Variants in ANGPT4 observed in about 807,000 individuals in gnomAD.
The protein encoded by ANGPT4 is angiopoietin 4.
Under a neutral mutation model 53.0 loss-of-function variants are expected in ANGPT4, and 50 were observed. The ratio of observed to expected loss-of-function variants is 0.94; its 90% CI spans 0.75 to 1.20. The LOEUF is 1.20. Among genes scored for constraint, ANGPT4 ranks in the 50% most tolerant of loss-of-function variants. ANGPT4 has a pLI of 0.00. For synonymous variants in ANGPT4, 251 were observed against 259.7 expected (o/e 0.97, Z 0.32); for missense variants, 648 against 637.1 (o/e 1.02, Z -0.18).
intron 4 of ANGPT4, among the ~76,000 whole-genome samples, chr20:884,237 T>C (rs1204698255): frequency 6.6e-6 from 1 of 152,200 alleles, no homozygotes; most frequent in Admixed American, 6.5e-5. Context: ...TTTGGACCTG[T>C]CTATTTTTAT....
At chr20:878,131 C>A (rs759177156) in intron 7 of ANGPT4, 30 bp downstream of exon 7, 9 of 1,568,164 alleles carry the variant, frequency 5.7e-6, no homozygotes, top group Admixed American at 1.7e-5. Flanking sequence ...AAGACCCCAG[C>A]CCCCACAACG....
chr20:885,373 C>T (rs1401413132), intron 3 of ANGPT4, 48 bp from the exon 4 acceptor site: 3 of 1,476,256 alleles, frequency 2.0e-6, no homozygotes, highest in East Asian at 2.4e-5. Flanking sequence ...CCTCGCGAAG[C>T]ACGCACCCCC....
At chr20:888,916 T>C (rs116915061) in intron 2 of ANGPT4, among the ~76,000 whole-genome samples, 5,015 of 152,322 alleles carry the variant, frequency 0.033, 103 homozygotes, top group Middle Eastern at 0.075. Context: ...ATGCCCCAGT[T>C]CTCACCATGG....
chr20:874,207 G>T (rs1981065700), intron 8 of ANGPT4, 77 bp downstream of exon 8: 1 of 1,583,352 alleles, frequency 6.3e-7, no homozygotes, highest in Non-Finnish European at 8.6e-7. Flanking sequence ...GGGCGCACAA[G>T]AACCTGGGGA....
intron 1 of ANGPT4, among the ~76,000 whole-genome samples, chr20:913,183 C>CT (rs573315279): frequency 1.8e-4 from 28 of 152,114 alleles, no homozygotes; most frequent in African/African-American, 5.5e-4. Context: ...TTTTAAAACT[C>CT]TTTTTTTAAC....
At chr20:886,537 G>A (rs1156730977) in intron 3 of ANGPT4, among the ~76,000 whole-genome samples, 1 of 152,150 alleles carries the variant, frequency 6.6e-6, no homozygotes, top group East Asian at 1.9e-4. Context: ...TCCTAATAAA[G>A]CCATCGTAAG....
intron 2 of ANGPT4, 132 bp downstream of exon 2, chr20:890,081 A>AC (rs1311576273): frequency 1.8e-6 from 2 of 1,101,240 alleles, no homozygotes; most frequent in Admixed American, 5.1e-5. Flanking sequence ...GGGAGGAGGG[A>AC]CCCGGGGGGC....
chr20:911,896 C>G lies in ANGPT4; in HGVS notation c.309+4010G>C, dbSNP rs567970716. Among the ~76,000 whole-genome samples, 90 of 151,826 alleles carry G rather than the reference C, an allele frequency of 5.9e-4. No individual in the cohort carries two copies. Among genetic ancestry groups the G allele is most frequent in the African/African-American group, 2.0e-3 (81 of 41,418 alleles). ...AGAGGGAGAAAGAGACAGAGACAGA[C>G]AGAGATAGACAGGGAGATAGGCAGA... On this transcript the variant is annotated intron_variant, in intron 1 of 8. Transcript: ENST00000381922. This position sits in a 1 kb window ranked among gnomAD's most constrained non-coding sequence, Gnocchi z 4.9.
intron 5 of ANGPT4, among the ~76,000 whole-genome samples, chr20:880,387 C>A (rs1981355315): frequency 6.6e-6 from 1 of 152,090 alleles, no homozygotes; most frequent in Admixed American, 6.5e-5. Flanking sequence ...GAGTTTCAGA[C>A]CAGCCTGGGA....
intron 1 of ANGPT4, among the ~76,000 whole-genome samples, chr20:913,085 T>G (rs1472772802): frequency 6.6e-6 from 1 of 152,180 alleles, no homozygotes; most frequent in Non-Finnish European, 1.5e-5. Flanking sequence ...TCTGTCTAGA[T>G]GAACAGAATC....
At chr20:885,456 A>T (rs1380171168) in intron 3 of ANGPT4, 131 bp from the exon 4 acceptor site, 1 of 1,309,320 alleles carries the variant, frequency 7.6e-7, no homozygotes, top group East Asian at 2.7e-5. Flanking sequence ...TCCTGTGCCC[A>T]CTGTAGGCAC....
chr20:913,010 G>T (rs1197649861), intron 1 of ANGPT4, among the ~76,000 whole-genome samples: 1 of 152,134 alleles, frequency 6.6e-6, no homozygotes, highest in African/African-American at 2.4e-5. Flanking sequence ...CAGGAGGGGA[G>T]TTGGGGGCAC....
At chr20:907,670 A>G (rs1044524203) in intron 1 of ANGPT4, among the ~76,000 whole-genome samples, 4 of 152,204 alleles carry the variant, frequency 2.6e-5, no homozygotes, top group Non-Finnish European at 5.9e-5. Flanking sequence ...AGAGAGGTTA[A>G]ACAACTTGTC....
chr20:890,196 C>T lies in ANGPT4; in HGVS notation c.465+17G>A, dbSNP rs1981778096. The T allele has an allele frequency of 1.2e-6, 2 of 1,609,926 alleles. No individual in the cohort carries two copies. The highest frequency in any genetic ancestry group is 1.7e-6 in the Non-Finnish European group (2 of 1,177,746). On this transcript the variant is annotated intron_variant, in intron 2 of 8. Coordinates refer to ENST00000381922, the MANE Select transcript of ANGPT4 (RefSeq NM_015985.4). ...CAGCCACAGGCCCTCAGTGCCCACT[C>T]AGTCACCCTCTGTTACCTGAGCCTC...
intron 4 of ANGPT4, among the ~76,000 whole-genome samples, chr20:881,623 C>T (rs186503919): frequency 2.0e-5 from 3 of 152,206 alleles, no homozygotes; most frequent in Admixed American, 1.3e-4. Flanking sequence ...TGACTCACAC[C>T]GTGAGAGAGG....
intron 1 of ANGPT4, among the ~76,000 whole-genome samples, chr20:899,085 G>A (rs1008372836): frequency 7.2e-5 from 11 of 152,270 alleles, no homozygotes; most frequent in African/African-American, 2.6e-4. Flanking sequence ...AACTCTTACA[G>A]TGGAGGGTAA....
chr20:905,116 C>T (rs1982427832), intron 1 of ANGPT4, among the ~76,000 whole-genome samples: 1 of 152,152 alleles, frequency 6.6e-6, no homozygotes, highest in African/African-American at 2.4e-5. Flanking sequence ...TCTAGGTCTC[C>T]CTGAAAATGT....
intron 1 of ANGPT4, among the ~76,000 whole-genome samples, chr20:904,394 G>A (rs1476070666): frequency 6.6e-6 from 1 of 152,174 alleles, no homozygotes; most frequent in Non-Finnish European, 1.5e-5. Context: ...ATTCATCCAG[G>A]TAGACTTGCC....
chr20:872,309 C>T lies in ANGPT4; in HGVS notation c.*651G>A, dbSNP rs1980972011. 6.6e-6 allele frequency: 1 copy of T among 152,092 alleles called. No homozygotes were observed. The highest frequency in any genetic ancestry group is 6.5e-5 in the Admixed American group (1 of 15,278). 9.4% of individuals were successfully genotyped at this position (152,092 alleles called of 1,614,324 possible). ...CATGTCCTTTTGGGTCTCCTAAAGA[C>T]CCTGAGCTCCAAACATTGGAGCCTA... is the stretch of plus-strand genomic sequence containing the variant. On this transcript the variant is annotated 3_prime_UTR_variant, in exon 9 of 9. Coordinates refer to ENST00000381922, the MANE Select transcript of ANGPT4 (RefSeq NM_015985.4).
Sources: gnomAD v4.1 joint callset for allele counts (sites outside exome capture counted in the v4.1 genomes callset) on GRCh38, gnomAD v4.1.1 for gene constraint, Gnocchi (gnomAD v3.1) non-coding constraint, MANE v1.5 for transcripts, NCBI Gene and HGNC (gene_info 2026-07-23, HGNC 2026-07-21) for gene names.